The following CDA variants were observed in gnomAD, a reference collection of about 807,000 sequenced individuals.
CDA encodes cytidine deaminase, also known as cytidine aminohydrolase.
Under a neutral mutation model 15.0 loss-of-function variants are expected in CDA, and 7 were observed. The observed-to-expected ratio is 0.47, with a 90% CI of 0.26 to 0.87. The LOEUF is 0.87. Ranked by LOEUF, CDA falls within the 40% of genes least tolerant of loss-of-function variation. The probability of loss-of-function intolerance (pLI) is 0.15; values close to 1 mark genes in which losing one functional copy is unlikely to be tolerated. For synonymous variants in CDA, 58 were observed against 73.0 expected (o/e 0.79, Z 1.05); for missense variants, 159 against 182.7 (o/e 0.87, Z 0.75).
intron 2 of CDA, among the ~76,000 whole-genome samples, chr1:20,607,034 G>A (rs1198545233): frequency 6.6e-6 from 1 of 152,186 alleles, no homozygotes; most frequent in Non-Finnish European, 1.5e-5. Context: ...ACATCTGGGT[G>A]CATAGGTCAC....
At chr1:20,594,894 C>T (rs765924144) in intron 1 of CDA, among the ~76,000 whole-genome samples, 2 of 152,072 alleles carry the variant, frequency 1.3e-5, no homozygotes, top group East Asian at 1.9e-4. Context: ...GAGGCTCAGC[C>T]GGTGTTCGTG....
intron 1 of CDA, 22 bp downstream of exon 1, chr1:20,589,305 T>C (rs1382121886): frequency 6.2e-7 from 1 of 1,611,120 alleles, no homozygotes; most frequent in Non-Finnish European, 8.5e-7. Flanking sequence ...CACCCCAGGG[T>C]CCCCCAGCCC....
intron 1 of CDA, among the ~76,000 whole-genome samples, chr1:20,594,990 G>A (rs534050710): frequency 2.2e-4 from 34 of 152,188 alleles, no homozygotes; most frequent in African/African-American, 7.2e-4. Context: ...GGCTCGTGGG[G>A]AGTATGCATC....
At chr1:20,599,831 C>T (rs977364481) in intron 1 of CDA, among the ~76,000 whole-genome samples, 1 of 152,084 alleles carries the variant, frequency 6.6e-6, no homozygotes, top group African/African-American at 2.4e-5. Flanking sequence ...TCCTCTGTGC[C>T]AGGCTTTGTG....
Position 20,605,044 on chromosome 1 carries a change from G to A in CDA, c.266+5G>A, listed in dbSNP as rs2154532430. The A allele has an allele frequency of 6.4e-7, 1 of 1,565,976 alleles. No homozygotes were observed. The highest frequency in any genetic ancestry group is 8.8e-7 in the Non-Finnish European group (1 of 1,136,602). ...CAGGGCAATTGCTATCGCCAGGTGA[G>A]TGGGAAAGCCAGGTTGCAACAATAT... On this transcript the variant is annotated splice_donor_5th_base_variant and intron_variant, in intron 2 of 3. Transcript: ENST00000375071.
Position 20,618,459 on chromosome 1 carries a change from C to A in CDA, c.332C>A (p.Thr111Asn). Residue 111 changes from threonine to asparagine, a missense_variant, in exon 4 of 4, where the codon ACC becomes AAC. Coordinates refer to ENST00000375071, the MANE Select transcript of CDA (RefSeq NM_001785.3). The part of the protein sequence containing the change: ...ACRQVMREFG[T>N]NWPVYMTKPD... Reference sequence around the variant, plus strand: ...GCTTTGCCTCTTTTCCAGTTTGGCACCAACTGGCCCGTGTACATGACCAAG... The same window carrying A: ...GCTTTGCCTCTTTTCCAGTTTGGCAACAACTGGCCCGTGTACATGACCAAG... The A allele has an allele frequency of 1.2e-6, 2 of 1,608,246 alleles. No homozygotes were observed. The highest frequency in any genetic ancestry group is 1.7e-6 in the Non-Finnish European group (2 of 1,175,368).
rs77322041 is a variant in CDA at position 20,618,228 on chromosome 1, G to A, written c.325-224G>A. The stretch of plus-strand genomic sequence containing the variant: ...CCTGGGTGAGTCTTGAATGGTGCCT[G>A]TTCACGATGTACCATGCACTGTTCA... On this transcript the variant is annotated intron_variant, in intron 3 of 3. Coordinates refer to ENST00000375071, the MANE Select transcript of CDA (RefSeq NM_001785.3). 2.7e-3 allele frequency among the ~76,000 whole-genome samples: 222 copies of A among 82,070 alleles called. 6 individuals are homozygous for A. In the East Asian group the frequency reaches 0.055, roughly 20 times the overall value. The allele number at this position is 82,070 out of a possible 152,430, so 53.8% of individuals were successfully genotyped here.
intron 3 of CDA, among the ~76,000 whole-genome samples, chr1:20,614,672 C>T (rs573226911): frequency 5.2e-4 from 79 of 152,246 alleles, no homozygotes; most frequent in Non-Finnish European, 1.0e-3. Flanking sequence ...AGATTCAGAA[C>T]CAGCAAGTTC....
At chr1:20,589,343 G>A (rs1233207733) in intron 1 of CDA, 60 bp downstream of exon 1, 3 of 1,538,962 alleles carry the variant, frequency 1.9e-6, no homozygotes, top group African/African-American at 2.7e-5. Context: ...GTCAGAGGAA[G>A]ATGTACAGGA....
intron 1 of CDA, among the ~76,000 whole-genome samples, chr1:20,602,904 C>G (rs2052659658): frequency 6.6e-6 from 1 of 152,218 alleles, no homozygotes; most frequent in Non-Finnish European, 1.5e-5. Flanking sequence ...GGCTCCCATG[C>G]CTGGCCCATT....
At chr1:20,613,137 C>T (rs965511094) in intron 2 of CDA, among the ~76,000 whole-genome samples, 18 of 152,114 alleles carry the variant, frequency 1.2e-4, no homozygotes, top group African/African-American at 3.6e-4. Context: ...ATGCCTCCTC[C>T]TCCATAAAAT....
chr1:20,610,701 G>C (rs2052741742), intron 2 of CDA, among the ~76,000 whole-genome samples: 2 of 152,188 alleles, frequency 1.3e-5, no homozygotes, highest in African/African-American at 4.8e-5. Context: ...AATTATGACA[G>C]AGCTTACATA....
At chr1:20,593,026 C>T (rs543507563) in intron 1 of CDA, among the ~76,000 whole-genome samples, 59 of 152,090 alleles carry the variant, frequency 3.9e-4, no homozygotes, top group Non-Finnish European at 7.5e-4. Flanking sequence ...CCCAGGAGTT[C>T]GAGGCTGCAG....
chr1:20,604,826 A>G, intron 1 of CDA, 102 bp from the exon 2 acceptor site: 1 of 788,384 alleles, frequency 1.3e-6, no homozygotes, highest in East Asian at 2.7e-5. Context: ...GTTTGGAGTA[A>G]CCAGTTCCTT....
chr1:20,618,150 C>T (rs2052834668), intron 3 of CDA, among the ~76,000 whole-genome samples: 1 of 151,258 alleles, frequency 6.6e-6, no homozygotes, highest in South Asian at 2.1e-4. Context: ...TGTTAGTTGT[C>T]ATTTGTCATA....
chr1:20,602,697 G>T (rs1244360528), intron 1 of CDA, among the ~76,000 whole-genome samples: 2 of 152,284 alleles, frequency 1.3e-5, no homozygotes, highest in Middle Eastern at 3.4e-3. Flanking sequence ...TGGGATTATA[G>T]GCTTGAGCCA....
chr1:20,615,994 G>A (rs980764981), intron 3 of CDA, among the ~76,000 whole-genome samples: 2 of 152,020 alleles, frequency 1.3e-5, no homozygotes, highest in Non-Finnish European at 2.9e-5. Context: ...AGCGAGATCC[G>A]GTCTCAAAAA....
At chr1:20,608,393 A>AGTTTTGTTTTGTTTT (rs78313074) in intron 2 of CDA, among the ~76,000 whole-genome samples, 3,086 of 104,986 alleles carry the variant, frequency 0.029, 67 homozygotes, top group African/African-American at 0.07. Context: ...ACTATTATAT[A>AGTTTTGTTTTGTTTT]GTTTTGTTTT....
At chr1:20,611,102 C>T (rs922162282) in intron 2 of CDA, among the ~76,000 whole-genome samples, 1 of 151,994 alleles carries the variant, frequency 6.6e-6, no homozygotes, top group East Asian at 1.9e-4. Flanking sequence ...GAGTCAAGTG[C>T]GGTGGTGCGT....
Sources: allele counts gnomAD v4.1 joint callset (sites outside exome capture counted in the v4.1 genomes callset), GRCh38; gene constraint gnomAD v4.1.1; transcripts MANE v1.5; gene names NCBI Gene and HGNC (gene_info 2026-07-23, HGNC 2026-07-21).